Variants in AGBL1 observed in about 807,000 individuals in gnomAD.
The protein encoded by AGBL1 is AGBL carboxypeptidase 1.
AGBL1 carries 130 observed loss-of-function variants against 118.9 expected under a neutral mutation model. The ratio of observed to expected loss-of-function variants is 1.09; its 90% confidence interval spans 0.95 to 1.26. The LOEUF (loss-of-function observed/expected upper bound fraction) is 1.26, where lower values mean the gene tolerates loss of function less well. AGBL1 is among the 50% of genes most tolerant of loss of function. The pLI, the probability that AGBL1 is intolerant of heterozygous loss-of-function variation, is 0.00. For missense variants in AGBL1, 1,584 were observed against 1,298.1 expected, an observed-to-expected ratio of 1.22 and a Z score of -3.38; for synonymous variants, 555 against 478.9, an observed-to-expected ratio of 1.16 and a Z score of -2.08.
intron 6 of AGBL1, among the ~76,000 whole-genome samples, chr15:86,226,939 T>C (rs2078374754): frequency 6.6e-6 from 1 of 152,236 alleles, no homozygotes; most frequent in South Asian, 2.1e-4. Flanking sequence ...GAGAGAGTCA[T>C]CTGTATTGGT....
intron 24 of AGBL1, among the ~76,000 whole-genome samples, chr15:87,001,613 C>T (rs533108609): frequency 5.3e-5 from 8 of 152,130 alleles, no homozygotes; most frequent in African/African-American, 1.7e-4. Context: ...AAAAGTGTTC[C>T]TATTTCTCCA....
chr15:86,525,108 C>T (rs1399036071), intron 19 of AGBL1, among the ~76,000 whole-genome samples: 6 of 151,658 alleles, frequency 4.0e-5, no homozygotes, highest in Non-Finnish European at 7.4e-5. Flanking sequence ...ATACCAATAA[C>T]AACCAGCTGA....
chr15:86,624,826 AGCT>A (rs1258920228), intron 21 of AGBL1, among the ~76,000 whole-genome samples: 1 of 152,182 alleles, frequency 6.6e-6, no homozygotes, highest in African/African-American at 2.4e-5. Flanking sequence ...AGACACCAGC[AGCT>A]TGTCGTTCCC....
rs770643987 is a variant in AGBL1, at chr15:86,397,399, T to C, written c.2408T>C (p.Val803Ala). Residue 803 changes from valine (V) to alanine (A), a missense_variant, in exon 18 of 23, where the codon GTT becomes GCT. Transcript: ENST00000614907. ...HRPYQVITAR[V>A]HPGESNASWV... ...CCATATCAGGTGATCACTGCTCGAG[T>C]TCATCCAGGAGAGAGCAATGCCAGT... 2 of 1,609,976 alleles carry C rather than the reference T, an allele frequency of 1.2e-6. No homozygotes were observed. Among genetic ancestry groups the C allele is most frequent in the Admixed American group, 1.7e-5 (1 of 59,756 alleles).
intron 23 of AGBL1, among the ~76,000 whole-genome samples, chr15:86,963,518 C>T (rs1489592616): frequency 6.6e-6 from 1 of 151,806 alleles, no homozygotes; most frequent in African/African-American, 2.4e-5. Flanking sequence ...CAATCTACCA[C>T]GTTGAAAGCA....
chr15:86,867,844 C>T (rs2079654635), intron 22 of AGBL1, among the ~76,000 whole-genome samples: 1 of 152,152 alleles, frequency 6.6e-6, no homozygotes, highest in Non-Finnish European at 1.5e-5. Flanking sequence ...ACTAATTTGT[C>T]TCCTTAAATG....
At chr15:86,554,992 T>C (rs1441165588) in intron 21 of AGBL1, among the ~76,000 whole-genome samples, 1 of 152,228 alleles carries the variant, frequency 6.6e-6, no homozygotes, top group Non-Finnish European at 1.5e-5. Flanking sequence ...TCTGTAGTTC[T>C]CTTTGTTATC....
At chr15:86,117,761 TAAC>T (rs1351394597) in intron 1 of AGBL1, among the ~76,000 whole-genome samples, 3 of 152,142 alleles carry the variant, frequency 2.0e-5, no homozygotes, top group Non-Finnish European at 2.9e-5. Flanking sequence ...ACAGAAAAAG[TAAC>T]AACAACAACT....
At chr15:86,455,758 T>G (rs1176385520) in intron 18 of AGBL1, among the ~76,000 whole-genome samples, 1 of 152,154 alleles carries the variant, frequency 6.6e-6, no homozygotes, top group Non-Finnish European at 1.5e-5. Flanking sequence ...TCATCATCAT[T>G]GTCTTATCTT....
intron 5 of AGBL1, among the ~76,000 whole-genome samples, chr15:86,159,889 C>T (rs1463296020): frequency 1.3e-5 from 2 of 152,014 alleles, no homozygotes; most frequent in Non-Finnish European, 2.9e-5. Context: ...CCATTCTCAC[C>T]TGCAGCTCTC....
At chr15:86,286,272 G>A (rs977693144) in intron 16 of AGBL1, among the ~76,000 whole-genome samples, 1 of 151,900 alleles carries the variant, frequency 6.6e-6, no homozygotes, top group African/African-American at 2.4e-5. Context: ...ACCAATAAAC[G>A]TATCTATCAC....
Position 86,541,083 on chromosome 15 carries a change from A to G in AGBL1, c.2686-4919A>G, listed in dbSNP as rs184749523. ...AGACACAGTTTTAATTTGTTTGCACACTTTTCATAAGAATGGTGAGTGTTT... is the reference window on the plus strand; with the variant it reads ...AGACACAGTTTTAATTTGTTTGCACGCTTTTCATAAGAATGGTGAGTGTTT... On this transcript the variant is annotated intron_variant, in intron 19 of 22. Transcript: ENST00000614907. 5.9e-4 allele frequency among the ~76,000 whole-genome samples: 90 copies of G among 152,366 alleles called. 1 individual carries two copies. The East Asian group carries it at 0.017, about 28-fold the overall frequency.
chr15:86,264,559 C>T lies in AGBL1; in HGVS notation c.1388C>T (p.Pro463Leu), dbSNP rs8029810. ...ESEIPDIQAS[P>L]KADAWDVDAI... ...GAAATCCCTGACATTCAGGCTTCCC[C>T]GAAAGCAGATGCCTGGGACGTAGAT... The change falls in exon 11 of 23, where the codon CCG (proline) becomes CTG (leucine). Residue 463 changes from proline to leucine, a missense_variant. Coordinates refer to ENST00000614907, the MANE Select transcript of AGBL1 (RefSeq NM_001386094.1). The T allele has an allele frequency of 5.9e-3, 9,578 of 1,613,984 alleles. 513 individuals are homozygous for T. The African/African-American group carries it at 0.11, about 19-fold the overall frequency.
intron 22 of AGBL1, among the ~76,000 whole-genome samples, chr15:86,790,395 C>T (rs182890837): frequency 6.4e-4 from 97 of 152,028 alleles, no homozygotes; most frequent in African/African-American, 2.1e-3. Flanking sequence ...CACACACACA[C>T]AGTCCTGTAT....
At chr15:86,250,891 T>C (rs779024086) in intron 7 of AGBL1, among the ~76,000 whole-genome samples, 1 of 152,302 alleles carries the variant, frequency 6.6e-6, no homozygotes, top group South Asian at 2.1e-4. Context: ...GATTTGGTGA[T>C]GTTATTTCAG....
At chr15:86,944,625 G>A (rs2080794523) in intron 23 of AGBL1, among the ~76,000 whole-genome samples, 1 of 152,112 alleles carries the variant, frequency 6.6e-6, no homozygotes, top group African/African-American at 2.4e-5. Flanking sequence ...AACTGTTTAA[G>A]ATAGTCCAAG....
At chr15:86,524,066 C>T (rs371967603) in intron 19 of AGBL1, among the ~76,000 whole-genome samples, 2 of 152,322 alleles carry the variant, frequency 1.3e-5, no homozygotes, top group East Asian at 3.9e-4. Flanking sequence ...AAAGGTGGCA[C>T]ATTCAATGAA....
chr15:86,393,330 C>G (rs1043453982), intron 17 of AGBL1, among the ~76,000 whole-genome samples: 4 of 152,142 alleles, frequency 2.6e-5, no homozygotes, highest in African/African-American at 9.7e-5. Flanking sequence ...AGCCAACTGG[C>G]CCAGACAATG....
chr15:86,894,891 T>G (rs537538379), intron 22 of AGBL1, among the ~76,000 whole-genome samples: 1 of 152,042 alleles, frequency 6.6e-6, no homozygotes, highest in Non-Finnish European at 1.5e-5. Context: ...TTGGCAGGAG[T>G]GTCAAGGCAG....
Sources: gnomAD v4.1 joint callset for allele counts (sites outside exome capture counted in the v4.1 genomes callset) on GRCh38, gnomAD v4.1.1 for gene constraint, MANE v1.5 for transcripts, NCBI Gene and HGNC (gene_info 2026-07-23, HGNC 2026-07-21) for gene names.